CSMD1: variants seen among roughly 807,000 people sequenced by gnomAD.
CSMD1 encodes the protein CUB and Sushi multiple domains 1.
Under a neutral mutation model 417.5 loss-of-function variants are expected in CSMD1, and 213 were observed. The ratio of observed to expected loss-of-function variants is 0.51; its 90% confidence interval spans 0.46 to 0.57. The LOEUF (loss-of-function observed/expected upper bound fraction) is 0.57. Among genes scored for constraint, CSMD1 ranks in the 20% least tolerant of loss-of-function variants. CSMD1 has a pLI of 0.00. For synonymous variants in CSMD1, 2,862 were observed against 1,736.8 expected (o/e 1.65, Z -16.11); for missense variants, 6,923 against 4,529.7 (o/e 1.53, Z -15.17).
At chr8:3,065,393 G>C (rs1217946594) in intron 49 of CSMD1, among the ~76,000 whole-genome samples, 1 of 151,954 alleles carries the variant, frequency 6.6e-6, no homozygotes, top group Non-Finnish European at 1.5e-5. Context: ...AAGATAGAAA[G>C]GTAGATGGAT....
At chr8:4,943,742 T>G (rs888029786) in intron 1 of CSMD1, among the ~76,000 whole-genome samples, 2 of 152,212 alleles carry the variant, frequency 1.3e-5, no homozygotes. Context: ...CATGATGTGA[T>G]AAGCAAAGGA....
intron 51 of CSMD1, among the ~76,000 whole-genome samples, chr8:3,023,601 C>T (rs1809617986): frequency 6.6e-6 from 1 of 152,034 alleles, no homozygotes; most frequent in Non-Finnish European, 1.5e-5. Context: ...GAGTTTTTCT[C>T]TAGGGACATA....
chr8:4,310,816 G>A (rs1798520693), intron 3 of CSMD1, among the ~76,000 whole-genome samples: 1 of 152,110 alleles, frequency 6.6e-6, no homozygotes, highest in African/African-American at 2.4e-5. Context: ...TCTCACCTTT[G>A]CTTATTTCAG....
intron 2 of CSMD1, among the ~76,000 whole-genome samples, chr8:4,491,471 A>G (rs554748443): frequency 6.6e-6 from 1 of 152,274 alleles, no homozygotes; most frequent in East Asian, 1.9e-4. Flanking sequence ...TTAAACAGCT[A>G]TGGACTTTTG....
intron 1 of CSMD1, chr8:4,787,716 T>C (rs1797480780): frequency 6.3e-7 from 1 of 1,591,334 alleles, no homozygotes; most frequent in South Asian, 1.1e-5. Context: ...ATGCTGCCAA[T>C]AATGACCCAC....
At chr8:4,148,521 A>T (rs1796399390) in intron 3 of CSMD1, among the ~76,000 whole-genome samples, 1 of 101,386 alleles carries the variant, frequency 9.9e-6, no homozygotes. Context: ...AGTATAATTA[A>T]AAAAAAAAAC....
rs541282906 is a variant in CSMD1 at position 4,890,087 on chromosome 8, A to G, written c.85+104245T>C. Among the ~76,000 whole-genome samples, 11 of 152,292 alleles carry G rather than the reference A, an allele frequency of 7.2e-5. No individual in the cohort carries two copies. The South Asian group carries it at 1.7e-3, about 23-fold the overall frequency. ...TATGTTCAATCAGTTTATACGTCAG[A>G]AACTAGTTCTAAGAAAGAAAACTAT... On this transcript the variant is annotated intron_variant, in intron 1 of 69. Coordinates refer to ENST00000635120, the MANE Select transcript of CSMD1 (RefSeq NM_033225.6).
chr8:3,925,714 A>G (rs1033960243), intron 5 of CSMD1, among the ~76,000 whole-genome samples: 3 of 151,346 alleles, frequency 2.0e-5, no homozygotes, highest in South Asian at 2.1e-4. Flanking sequence ...AGTGCCTGTT[A>G]CCTCCCGCCA....
chr8:4,690,151 T>C (rs1483665729), intron 1 of CSMD1, among the ~76,000 whole-genome samples: 3 of 152,220 alleles, frequency 2.0e-5, no homozygotes, highest in Non-Finnish European at 2.9e-5. Context: ...ACAATGCTCA[T>C]AATTTAAGAT....
At chr8:3,893,808 C>A (rs541375106) in intron 5 of CSMD1, among the ~76,000 whole-genome samples, 20 of 152,236 alleles carry the variant, frequency 1.3e-4, no homozygotes, top group African/African-American at 4.6e-4. Context: ...AGAGCATGCA[C>A]ACTTTGATTT....
chr8:3,551,175 G>A (rs1427625767), intron 10 of CSMD1, among the ~76,000 whole-genome samples: 2 of 152,084 alleles, frequency 1.3e-5, no homozygotes, highest in Non-Finnish European at 2.9e-5. Context: ...TATGGCATAG[G>A]GCGTTCAAAG....
At chr8:3,387,144 G>A (rs142892534) in intron 18 of CSMD1, among the ~76,000 whole-genome samples, 1 of 152,318 alleles carries the variant, frequency 6.6e-6, no homozygotes, top group East Asian at 1.9e-4. Context: ...TGGGACGTAT[G>A]TCAGGGGAAA....
chr8:4,578,329 C>T (rs1400286435), intron 2 of CSMD1, among the ~76,000 whole-genome samples: 1 of 81,420 alleles, frequency 1.2e-5, no homozygotes. Flanking sequence ...CGACACCCGG[C>T]TCATTTTTTT....
At chr8:4,021,010 T>C (rs1796762017) in intron 4 of CSMD1, among the ~76,000 whole-genome samples, 1 of 152,166 alleles carries the variant, frequency 6.6e-6, no homozygotes, top group Non-Finnish European at 1.5e-5. Flanking sequence ...ACTGCATCTA[T>C]TTATTAAACC....
intron 4 of CSMD1, among the ~76,000 whole-genome samples, chr8:4,003,419 C>CAAAT (rs139066084): frequency 0.45 from 67,847 of 150,000 alleles, 15,684 homozygotes; most frequent in South Asian, 0.53. Context: ...AAAAAACAAA[C>CAAAT]AAATAAATAA....
intron 3 of CSMD1, among the ~76,000 whole-genome samples, chr8:4,396,616 TACACAC>T (rs143703195): frequency 2.4e-3 from 352 of 148,670 alleles, no homozygotes; most frequent in African/African-American, 7.7e-3. Context: ...GAAAATGTGA[TACACAC>T]ACACACACAC....
chr8:4,074,606 A>G (rs1456843155), intron 3 of CSMD1, among the ~76,000 whole-genome samples: 1 of 152,150 alleles, frequency 6.6e-6, no homozygotes, highest in African/African-American at 2.4e-5. Flanking sequence ...ATTTCAAACT[A>G]CTGTCCTACA....
intron 26 of CSMD1, among the ~76,000 whole-genome samples, chr8:3,267,430 G>A (rs998085823): frequency 1.3e-5 from 2 of 152,226 alleles, no homozygotes; most frequent in African/African-American, 2.4e-5. Flanking sequence ...GATGGCAGTT[G>A]AGCAGTTGCG....
At chr8:3,640,216 T>C (rs921536731) in intron 7 of CSMD1, among the ~76,000 whole-genome samples, 2 of 152,206 alleles carry the variant, frequency 1.3e-5, no homozygotes, top group African/African-American at 4.8e-5. Context: ...GAGGCATCAA[T>C]GTGCTGAGAA....
Sources: allele counts gnomAD v4.1 joint callset (sites outside exome capture counted in the v4.1 genomes callset), GRCh38; gene constraint gnomAD v4.1.1; transcripts MANE v1.5; gene names NCBI Gene and HGNC (gene_info 2026-07-23, HGNC 2026-07-21).